CTNNA3: variants seen among roughly 807,000 people sequenced by gnomAD.
CTNNA3 encodes catenin alpha-3.
Under a neutral mutation model 95.7 loss-of-function variants are expected in CTNNA3, and 76 were observed. The ratio of observed to expected loss-of-function variants is 0.79; its 90% CI spans 0.66 to 0.96. The LOEUF is 0.96. Among genes scored for constraint, CTNNA3 ranks in the 40% least tolerant of loss-of-function variants. The pLI, the probability that CTNNA3 is intolerant of heterozygous loss-of-function variation, is 0.00. For missense variants in CTNNA3, 1,191 were observed against 1,089.8 expected, an observed-to-expected ratio of 1.09 and a Z score of -1.31; for synonymous variants, 431 against 374.4, an observed-to-expected ratio of 1.15 and a Z score of -1.74.
chr10:67,437,393 G>A (rs1846339098), intron 5 of CTNNA3, among the ~76,000 whole-genome samples: 1 of 151,814 alleles, frequency 6.6e-6, no homozygotes, highest in South Asian at 2.1e-4. Flanking sequence ...GGTGATGGGT[G>A]CACCAAAATC....
At chr10:66,508,113 A>G (rs1840516538) in intron 11 of CTNNA3, among the ~76,000 whole-genome samples, 1 of 151,510 alleles carries the variant, frequency 6.6e-6, no homozygotes. Flanking sequence ...TGTTGAGCAT[A>G]ATAAATTCTT....
chr10:66,471,532 G>C (rs747473112), intron 11 of CTNNA3, among the ~76,000 whole-genome samples: 6 of 151,398 alleles, frequency 4.0e-5, no homozygotes, highest in Non-Finnish European at 8.9e-5. Flanking sequence ...TTTATGTTTT[G>C]TTTTATTTTA....
chr10:67,045,662 C>A (rs1854689477), intron 7 of CTNNA3, among the ~76,000 whole-genome samples: 1 of 152,176 alleles, frequency 6.6e-6, no homozygotes, highest in Non-Finnish European at 1.5e-5. Context: ...CGCACTGGAC[C>A]CTAGTCCTGG....
At chr10:66,626,009 A>G (rs1844922235) in intron 9 of CTNNA3, among the ~76,000 whole-genome samples, 1 of 152,168 alleles carries the variant, frequency 6.6e-6, no homozygotes, top group African/African-American at 2.4e-5. Flanking sequence ...TTTAAAAAAG[A>G]TCTACCATAC....
chr10:66,274,470 T>C (rs1392405673), intron 13 of CTNNA3, among the ~76,000 whole-genome samples: 3 of 152,138 alleles, frequency 2.0e-5, no homozygotes, highest in African/African-American at 7.2e-5. Context: ...AGAACCTCCA[T>C]ACATTAGAAA....
At chr10:66,846,217 A>C (rs973452545) in intron 7 of CTNNA3, among the ~76,000 whole-genome samples, 23 of 152,108 alleles carry the variant, frequency 1.5e-4, no homozygotes, top group African/African-American at 4.8e-4. Context: ...CCAGAAACAC[A>C]AATATTGCAT....
At chr10:67,237,123 T>C (rs1221534553) in intron 5 of CTNNA3, among the ~76,000 whole-genome samples, 18 of 3,950 alleles carry the variant, frequency 4.6e-3, no homozygotes, top group Admixed American at 8.2e-3. Context: ...AACTATGGTG[T>C]ATGTATATAT....
chr10:67,691,038 C>T (rs528047194), intron 1 of CTNNA3, among the ~76,000 whole-genome samples: 7 of 152,326 alleles, frequency 4.6e-5, no homozygotes, highest in Admixed American at 1.3e-4. Context: ...ATTGCAGGCG[C>T]GCGCCGCCAC....
intron 7 of CTNNA3, among the ~76,000 whole-genome samples, chr10:67,088,986 A>C (rs931977818): frequency 6.6e-6 from 1 of 152,066 alleles, no homozygotes; most frequent in Non-Finnish European, 1.5e-5. Flanking sequence ...ATGACTACTT[A>C]GATAGAATAT....
intron 5 of CTNNA3, among the ~76,000 whole-genome samples, chr10:67,395,699 T>G (rs1183433114): frequency 6.6e-6 from 1 of 152,190 alleles, no homozygotes; most frequent in African/African-American, 2.4e-5. Flanking sequence ...GGAAACATTT[T>G]CAGATTATAA....
intron 1 of CTNNA3, among the ~76,000 whole-genome samples, chr10:67,701,500 C>A (rs1417955269): frequency 2.0e-5 from 3 of 152,074 alleles, no homozygotes; most frequent in African/African-American, 4.8e-5. Context: ...AATTTTCAAC[C>A]CAGAATTTCA....
At chr10:66,143,754 C>T (rs2133886073) in intron 13 of CTNNA3, among the ~76,000 whole-genome samples, 1 of 152,178 alleles carries the variant, frequency 6.6e-6, no homozygotes, top group South Asian at 2.1e-4. Flanking sequence ...GCAGGTGGTC[C>T]CAGGACCAGT....
At chr10:67,172,919 G>A (rs1367805764) in intron 7 of CTNNA3, among the ~76,000 whole-genome samples, 3 of 150,684 alleles carry the variant, frequency 2.0e-5, no homozygotes, top group South Asian at 2.1e-4. Flanking sequence ...AGGTTGCAGC[G>A]AGCCAAGATT....
chr10:67,137,049 T>C (rs980283170), intron 7 of CTNNA3, among the ~76,000 whole-genome samples: 1 of 152,100 alleles, frequency 6.6e-6, no homozygotes, highest in African/African-American at 2.4e-5. Flanking sequence ...TCTGGGTAGC[T>C]GTGGCTGAAG....
intron 10 of CTNNA3, among the ~76,000 whole-genome samples, chr10:66,537,462 C>A (rs188684332): frequency 6.6e-6 from 1 of 152,002 alleles, no homozygotes; most frequent in Non-Finnish European, 1.5e-5. Context: ...CTTAGTTTAT[C>A]GATGTTTATG....
intron 5 of CTNNA3, among the ~76,000 whole-genome samples, chr10:67,474,336 C>T (rs980394232): frequency 1.3e-5 from 2 of 152,160 alleles, no homozygotes; most frequent in Admixed American, 6.5e-5. Context: ...TCCAATACGA[C>T]CGCTGTCCTT....
chr10:67,614,692 C>A (rs1310877758), intron 2 of CTNNA3, among the ~76,000 whole-genome samples: 1 of 152,204 alleles, frequency 6.6e-6, no homozygotes, highest in Non-Finnish European at 1.5e-5. Context: ...CAGTTCCTAA[C>A]AGGCCATGGA....
intron 9 of CTNNA3, among the ~76,000 whole-genome samples, chr10:66,738,479 G>A (rs533592804): frequency 6.6e-6 from 1 of 152,166 alleles, no homozygotes; most frequent in African/African-American, 2.4e-5. Context: ...TAGTGAATTT[G>A]TCTTTTCTGG....
At chr10:66,938,958 G>A (rs1847861765) in intron 7 of CTNNA3, among the ~76,000 whole-genome samples, 1 of 152,120 alleles carries the variant, frequency 6.6e-6, no homozygotes, top group African/African-American at 2.4e-5. Flanking sequence ...AAGGTCCTTT[G>A]CTCTTTAGCT....
Sources: allele counts gnomAD v4.1 joint callset (sites outside exome capture counted in the v4.1 genomes callset), GRCh38; gene constraint gnomAD v4.1.1; transcripts MANE v1.5; gene names NCBI Gene and HGNC (gene_info 2026-07-23, HGNC 2026-07-21).